TDRD3: variants seen among roughly 807,000 people sequenced by gnomAD.
TDRD3 encodes tudor domain-containing protein 3.
A neutral mutation model predicts 86.7 loss-of-function variants in TDRD3; 45 were observed. That is an observed-to-expected ratio of 0.52 (90% CI 0.41 to 0.67). The LOEUF is 0.67. Among genes scored for constraint, TDRD3 ranks in the 30% least tolerant of loss-of-function variants. The probability of loss-of-function intolerance (pLI) is 0.00; values close to 1 mark genes in which losing one functional copy is unlikely to be tolerated. For synonymous variants in TDRD3, 298 were observed against 301.7 expected (o/e 0.99, Z 0.13); for missense variants, 814 against 889.0 (o/e 0.92, Z 1.07).
chr13:60,533,666 G>A (rs975050543), intron 11 of TDRD3, among the ~76,000 whole-genome samples: 3 of 151,966 alleles, frequency 2.0e-5, no homozygotes, highest in African/African-American at 7.3e-5. Context: ...TGCTATTAGA[G>A]TAGATAGTGT....
intron 4 of TDRD3, chr13:60,461,093 T>A: frequency 6.6e-6 from 1 of 152,128 alleles, no homozygotes; most frequent in Middle Eastern, 3.2e-3. Flanking sequence ...ATGAAAGTAA[T>A]CTTTTCAGTT....
chr13:60,486,093 T>G, intron 7 of TDRD3, 145 bp downstream of exon 7: 2 of 762,836 alleles, frequency 2.6e-6, no homozygotes, highest in Admixed American at 4.1e-5. Flanking sequence ...TAACTGGGAA[T>G]GCCCTGCCAC....
At chr13:60,498,548 G>A (rs775741647) in intron 8 of TDRD3, among the ~76,000 whole-genome samples, 2 of 152,252 alleles carry the variant, frequency 1.3e-5, no homozygotes, top group Non-Finnish European at 1.5e-5. Context: ...TAGACAAGCA[G>A]AAAGCTTCTA....
chr13:60,480,489 A>G lies in TDRD3; in HGVS notation c.496-3286A>G, dbSNP rs1956285646. Among the ~76,000 whole-genome samples the G allele has an allele frequency of 2.0e-5, 3 of 152,126 alleles. 1 individual carries two copies. The South Asian group carries it at 6.2e-4, about 32-fold the overall frequency. On this transcript the variant is annotated intron_variant, in intron 5 of 13. Transcript: ENST00000377881. ...CTTGGGAATAGTCATCTTGCATAGT[A>G]TGTCACAGAGGTTCTTTGAATTTCT... is the stretch of plus-strand genomic sequence containing the variant.
intron 3 of TDRD3, among the ~76,000 whole-genome samples, chr13:60,451,524 G>C (rs185996311): frequency 3.3e-5 from 5 of 152,114 alleles, no homozygotes; most frequent in Admixed American, 3.3e-4. Flanking sequence ...ATGGAAATTG[G>C]CACAAATTAC....
intron 1 of TDRD3, among the ~76,000 whole-genome samples, chr13:60,434,902 T>A (rs1276411279): frequency 6.6e-6 from 1 of 152,190 alleles, no homozygotes; most frequent in African/African-American, 2.4e-5. Context: ...TTGCTTTCTT[T>A]CCTGATTACC....
intron 10 of TDRD3, among the ~76,000 whole-genome samples, chr13:60,518,333 G>A (rs992872565): frequency 6.6e-6 from 1 of 152,182 alleles, no homozygotes; most frequent in African/African-American, 2.4e-5. Flanking sequence ...TCTTAACACT[G>A]GAGGCTCCAC....
At chr13:60,426,954 C>T (rs1401459113) in intron 1 of TDRD3, among the ~76,000 whole-genome samples, 7 of 152,230 alleles carry the variant, frequency 4.6e-5, no homozygotes, top group Admixed American at 3.3e-4. Context: ...AGCATGTTAT[C>T]GTACTGAATA....
intron 3 of TDRD3, among the ~76,000 whole-genome samples, chr13:60,451,495 T>C (rs1217943930): frequency 6.6e-6 from 1 of 152,182 alleles, no homozygotes; most frequent in East Asian, 1.9e-4. Context: ...TAACCTCCAG[T>C]TGACGGTTGT....
chr13:60,572,596 A>G (rs1409428993), intron 13 of TDRD3, among the ~76,000 whole-genome samples: 1 of 152,210 alleles, frequency 6.6e-6, no homozygotes, highest in Non-Finnish European at 1.5e-5. Flanking sequence ...ATGGAGGTCA[A>G]GGCTCAATGT....
chr13:60,481,385 A>G (rs2137487450), intron 5 of TDRD3, among the ~76,000 whole-genome samples: 2 of 146,928 alleles, frequency 1.4e-5, no homozygotes, highest in South Asian at 4.3e-4. Flanking sequence ...TCAATTACAC[A>G]TACATTAGAC....
chr13:60,560,751 T>C (rs987161208), intron 12 of TDRD3, among the ~76,000 whole-genome samples: 3 of 152,202 alleles, frequency 2.0e-5, no homozygotes, highest in African/African-American at 7.2e-5. Flanking sequence ...TAAACAATTT[T>C]AATATAACTT....
intron 1 of TDRD3, among the ~76,000 whole-genome samples, chr13:60,412,163 A>G (rs1566172267): frequency 6.6e-6 from 1 of 152,224 alleles, no homozygotes; most frequent in African/African-American, 2.4e-5. Context: ...AAGTTTCTGT[A>G]CATATCCAAT....
intron 1 of TDRD3, among the ~76,000 whole-genome samples, chr13:60,397,887 A>C (rs1248514319): frequency 1.3e-5 from 2 of 152,104 alleles, no homozygotes; most frequent in Non-Finnish European, 2.9e-5. Context: ...AGAGCAGAGC[A>C]CAGCCCGCGC....
intron 4 of TDRD3, among the ~76,000 whole-genome samples, chr13:60,464,893 A>G (rs1489602436): frequency 1.3e-5 from 2 of 152,144 alleles, no homozygotes; most frequent in Non-Finnish European, 2.9e-5. Flanking sequence ...TAGGGTGACT[A>G]TAGTTAACAG....
At chr13:60,521,784 C>T (rs540853561) in intron 10 of TDRD3, among the ~76,000 whole-genome samples, 1 of 152,236 alleles carries the variant, frequency 6.6e-6, no homozygotes, top group African/African-American at 2.4e-5. Context: ...GTAATCCCAG[C>T]CACTCAGGAG....
intron 10 of TDRD3, among the ~76,000 whole-genome samples, chr13:60,523,527 T>C (rs961731393): frequency 3.3e-5 from 5 of 151,892 alleles, no homozygotes; most frequent in African/African-American, 1.2e-4. Context: ...GTCTTTTAGA[T>C]CTTTTACATG....
intron 1 of TDRD3, among the ~76,000 whole-genome samples, chr13:60,421,246 A>G (rs1407803159): frequency 2.6e-5 from 4 of 152,186 alleles, no homozygotes; most frequent in Admixed American, 6.5e-5. Context: ...AGGAGGCCCC[A>G]CAATCTTGGC....
intron 1 of TDRD3, among the ~76,000 whole-genome samples, chr13:60,397,638 C>T (rs1255044338): frequency 6.9e-6 from 1 of 145,834 alleles, no homozygotes; most frequent in Non-Finnish European, 1.5e-5. Flanking sequence ...GGGCGGCGGG[C>T]CTGGGCCCCG....
Sources: allele counts gnomAD v4.1 joint callset (sites outside exome capture counted in the v4.1 genomes callset), GRCh38; gene constraint gnomAD v4.1.1; transcripts MANE v1.5; gene names NCBI Gene and HGNC (gene_info 2026-07-23, HGNC 2026-07-21).